Variants in PHF24 observed in about 807,000 individuals in gnomAD.
PHF24 encodes Galpha inhibitory interacting protein.
A neutral mutation model predicts 42.6 loss-of-function variants in PHF24; 25 were observed. The observed-to-expected ratio is 0.59, with a 90% confidence interval of 0.43 to 0.82. PHF24 has a LOEUF of 0.82. Among genes scored for constraint, PHF24 ranks in the 40% least tolerant of loss-of-function variants. The probability of loss-of-function intolerance (pLI) is 0.00; values close to 1 mark genes in which losing one functional copy is unlikely to be tolerated. For missense variants in PHF24, 470 were observed against 538.1 expected, an observed-to-expected ratio of 0.87 and a Z score of 1.25; for synonymous variants, 185 against 204.8, an observed-to-expected ratio of 0.90 and a Z score of 0.83.
At chr9:34,754,756 G>A in the PHF24 span, among the ~76,000 whole-genome samples, 2 of 152,082 alleles carry the variant, frequency 1.3e-5, no homozygotes, top group Non-Finnish European at 2.9e-5. Context: ...CTGTACTCCC[G>A]TTTATTGCAG....
chr9:34,863,701 C>A, the PHF24 span, among the ~76,000 whole-genome samples: 3 of 152,204 alleles, frequency 2.0e-5, no homozygotes, highest in Non-Finnish European at 2.9e-5. Flanking sequence ...ACTGCAGAGA[C>A]TACAATAAAT....
At chr9:34,804,964 T>C in the PHF24 span, among the ~76,000 whole-genome samples, 2 of 152,256 alleles carry the variant, frequency 1.3e-5, no homozygotes, top group South Asian at 4.1e-4. Flanking sequence ...AATCATATAG[T>C]ATACTATCTA....
chr9:34,713,208 T>C, the PHF24 span, among the ~76,000 whole-genome samples: 3 of 152,340 alleles, frequency 2.0e-5, no homozygotes, highest in South Asian at 4.1e-4. Context: ...AAGGGTTCTC[T>C]TCCTTCCCCG....
chr9:34,937,708 A>G, the PHF24 span, among the ~76,000 whole-genome samples: 2 of 152,002 alleles, frequency 1.3e-5, no homozygotes, highest in African/African-American at 4.8e-5. Flanking sequence ...GCTTGATGTA[A>G]AAGGTAATGG....
the PHF24 span, among the ~76,000 whole-genome samples, chr9:34,883,778 T>A: frequency 6.6e-6 from 1 of 152,216 alleles, no homozygotes. Context: ...GACTGTAAAC[T>A]AGTTCAACCA....
the PHF24 span, among the ~76,000 whole-genome samples, chr9:34,877,301 AAG>A: frequency 1.3e-5 from 2 of 152,102 alleles, no homozygotes; most frequent in South Asian, 2.1e-4. Flanking sequence ...AAAAAAGAAA[AAG>A]AAATTCTGAC....
At chr9:34,666,570 T>TG in the PHF24 span, among the ~76,000 whole-genome samples, 1 of 151,234 alleles carries the variant, frequency 6.6e-6, no homozygotes, top group Non-Finnish European at 1.5e-5. Flanking sequence ...TTTTTTTTTT[T>TG]GCTACATTCA....
chr9:34,976,391 C>G (rs1296617875), intron 4 of PHF24, 144 bp from the exon 5 acceptor site: 1 of 1,036,720 alleles, frequency 9.6e-7, no homozygotes, highest in African/African-American at 1.6e-5. Context: ...CTATCCCTGT[C>G]ACAGCCTGGG....
the PHF24 span, among the ~76,000 whole-genome samples, chr9:34,830,745 G>A: frequency 6.6e-6 from 1 of 152,098 alleles, no homozygotes; most frequent in African/African-American, 2.4e-5. Context: ...CCCAAAGCAG[G>A]TCTGTAGGAG....
the PHF24 span, among the ~76,000 whole-genome samples, chr9:34,944,808 T>G: frequency 6.6e-6 from 1 of 151,232 alleles, no homozygotes; most frequent in African/African-American, 2.4e-5. Context: ...TCCAGGAGTT[T>G]GAGACTACAA....
At chr9:34,836,886 G>T in the PHF24 span, among the ~76,000 whole-genome samples, 1 of 152,074 alleles carries the variant, frequency 6.6e-6, no homozygotes, top group Non-Finnish European at 1.5e-5. Context: ...ATCAGTATTG[G>T]GTGACTCTTT....
the PHF24 span, among the ~76,000 whole-genome samples, chr9:34,774,910 ATTG>A: frequency 1.3e-5 from 2 of 152,190 alleles, no homozygotes; most frequent in Non-Finnish European, 2.9e-5. Flanking sequence ...AATAATAATA[ATTG>A]TTGGTGAGGA....
the PHF24 span, among the ~76,000 whole-genome samples, chr9:34,768,458 C>T: frequency 3.3e-5 from 5 of 152,162 alleles, no homozygotes; most frequent in African/African-American, 9.7e-5. Context: ...CTTACTTTTA[C>T]CACTTTTTTT....
the PHF24 span, among the ~76,000 whole-genome samples, chr9:34,850,096 C>T: frequency 1.4e-4 from 21 of 152,166 alleles, no homozygotes; most frequent in Admixed American, 5.9e-4. Flanking sequence ...TTGCTCTTCT[C>T]GAGGAGTATC....
the PHF24 span, among the ~76,000 whole-genome samples, chr9:34,946,046 T>C: frequency 6.6e-6 from 1 of 152,142 alleles, no homozygotes; most frequent in Admixed American, 6.5e-5. Context: ...ATGCAGTTGA[T>C]TCGGAGTGCA....
chr9:34,815,112 A>G, the PHF24 span, among the ~76,000 whole-genome samples: 1 of 152,236 alleles, frequency 6.6e-6, no homozygotes, highest in Non-Finnish European at 1.5e-5. Context: ...GCAGCTGCAT[A>G]TCTTGAATAC....
chr9:34,736,745 G>T, the PHF24 span, among the ~76,000 whole-genome samples: 2 of 152,128 alleles, frequency 1.3e-5, no homozygotes, highest in Non-Finnish European at 2.9e-5. Flanking sequence ...GATGCTAAAG[G>T]CAGCTTGAGA....
At chr9:34,704,444 C>A in the PHF24 span, among the ~76,000 whole-genome samples, 1 of 152,132 alleles carries the variant, frequency 6.6e-6, no homozygotes, top group Admixed American at 6.6e-5. Flanking sequence ...TCTGAGGCAA[C>A]ACTGACAAGT....
the PHF24 span, among the ~76,000 whole-genome samples, chr9:34,718,560 A>G: frequency 6.6e-6 from 1 of 152,166 alleles, no homozygotes; most frequent in East Asian, 1.9e-4. Flanking sequence ...TGGCCCTTCC[A>G]TCTATGGTAG....
Sources: allele counts gnomAD v4.1 joint callset (sites outside exome capture counted in the v4.1 genomes callset), GRCh38; gene constraint gnomAD v4.1.1; transcripts MANE v1.5; gene names NCBI Gene and HGNC (gene_info 2026-07-23, HGNC 2026-07-21).